The following SPMIP2 variants were observed in gnomAD, a reference collection of about 807,000 sequenced individuals.
SPMIP2 encodes the protein sperm microtubule inner protein 2.
the SPMIP2 span, chr4:159,007,514 GA>G: frequency 7.2e-6 from 6 of 838,676 alleles, no homozygotes; most frequent in East Asian, 1.7e-4. Context: ...CCTCAAGATT[GA>G]AGATGGATGA....
At chr4:158,962,335 T>C in the SPMIP2 span, among the ~76,000 whole-genome samples, 1 of 152,186 alleles carries the variant, frequency 6.6e-6, no homozygotes, top group Non-Finnish European at 1.5e-5. Context: ...TAATCCAAGA[T>C]GGTTTTCTTA....
chr4:159,067,244 T>C, the SPMIP2 span, among the ~76,000 whole-genome samples: 2 of 151,896 alleles, frequency 1.3e-5, no homozygotes, highest in African/African-American at 4.8e-5. Flanking sequence ...AACCAACATA[T>C]AGGTTTGAAA....
the SPMIP2 span, chr4:159,007,331 C>G: frequency 2.4e-5 from 18 of 737,622 alleles, no homozygotes; most frequent in East Asian, 5.6e-4. Context: ...CCCAGGCCCT[C>G]CACCCAAGGA....
At chr4:159,030,494 T>C in the SPMIP2 span, among the ~76,000 whole-genome samples, 1 of 150,978 alleles carries the variant, frequency 6.6e-6, no homozygotes, top group Non-Finnish European at 1.5e-5. Context: ...TTTATTTATT[T>C]ATTTATTTAT....
the SPMIP2 span, among the ~76,000 whole-genome samples, chr4:158,914,660 A>G: frequency 3.3e-5 from 5 of 152,190 alleles, no homozygotes; most frequent in Non-Finnish European, 7.3e-5. Flanking sequence ...ACATTCTTTA[A>G]TTCTCCTCCT....
At chr4:158,920,024 G>T in the SPMIP2 span, among the ~76,000 whole-genome samples, 1 of 152,218 alleles carries the variant, frequency 6.6e-6, no homozygotes, top group African/African-American at 2.4e-5. Context: ...ACCATCCCCT[G>T]TTGCGGGAAG....
At chr4:158,948,121 G>A in the SPMIP2 span, among the ~76,000 whole-genome samples, 1 of 152,104 alleles carries the variant, frequency 6.6e-6, no homozygotes. Flanking sequence ...GCTTGTTCCT[G>A]TCTGAATTGA....
At chr4:158,973,717 G>A in the SPMIP2 span, among the ~76,000 whole-genome samples, 5 of 152,200 alleles carry the variant, frequency 3.3e-5, no homozygotes, top group Middle Eastern at 3.4e-3. Context: ...GGCTGGATGT[G>A]GTGGTTTATG....
chr4:158,902,126 ATCTAC>A, the SPMIP2 span, among the ~76,000 whole-genome samples: 1 of 151,996 alleles, frequency 6.6e-6, no homozygotes, highest in Non-Finnish European at 1.5e-5. Context: ...TCATGGATTT[ATCTAC>A]CTTTGGTCTT....
chr4:159,044,122 AACTT>A, the SPMIP2 span, among the ~76,000 whole-genome samples: 1 of 152,094 alleles, frequency 6.6e-6, no homozygotes, highest in Non-Finnish European at 1.5e-5. Context: ...AAGATTTTTA[AACTT>A]AATCATTTTA....
At chr4:158,965,188 A>G in the SPMIP2 span, among the ~76,000 whole-genome samples, 1 of 152,214 alleles carries the variant, frequency 6.6e-6, no homozygotes, top group African/African-American at 2.4e-5. Context: ...ATTTTCTCCC[A>G]GTATCCTTCC....
chr4:158,931,141 T>C, the SPMIP2 span, among the ~76,000 whole-genome samples: 19 of 152,200 alleles, frequency 1.2e-4, no homozygotes, highest in African/African-American at 3.9e-4. Flanking sequence ...GTGGATAATC[T>C]CAATTGATCT....
At chr4:159,037,964 T>C in the SPMIP2 span, among the ~76,000 whole-genome samples, 2 of 152,028 alleles carry the variant, frequency 1.3e-5, no homozygotes, top group African/African-American at 4.8e-5. Flanking sequence ...CGTAAAGATA[T>C]TTCTCTCTCT....
the SPMIP2 span, among the ~76,000 whole-genome samples, chr4:159,024,473 A>G: frequency 6.6e-6 from 1 of 152,182 alleles, no homozygotes; most frequent in Non-Finnish European, 1.5e-5. Flanking sequence ...TCAAGGGTAA[A>G]GTGCTTCCTT....
At chr4:159,047,088 C>T in the SPMIP2 span, among the ~76,000 whole-genome samples, 19 of 152,252 alleles carry the variant, frequency 1.2e-4, no homozygotes, top group Non-Finnish European at 2.5e-4. Context: ...ACTTCAGTGA[C>T]CATGACTTGA....
chr4:158,945,455 C>T, the SPMIP2 span, among the ~76,000 whole-genome samples: 2 of 152,152 alleles, frequency 1.3e-5, no homozygotes, highest in African/African-American at 4.8e-5. Flanking sequence ...AAAACTTTAA[C>T]CCAAAGTAGT....
At chr4:158,984,481 G>C in the SPMIP2 span, among the ~76,000 whole-genome samples, 1 of 151,028 alleles carries the variant, frequency 6.6e-6, no homozygotes, top group South Asian at 2.1e-4. Context: ...AAGAAACTCA[G>C]TGAAAACCGC....
chr4:158,904,035 A>G, the SPMIP2 span, among the ~76,000 whole-genome samples: 1 of 152,234 alleles, frequency 6.6e-6, no homozygotes, highest in Non-Finnish European at 1.5e-5. Context: ...AATTGCTACC[A>G]TCATCGTTTT....
chr4:158,925,438 A>G, the SPMIP2 span, among the ~76,000 whole-genome samples: 1 of 152,168 alleles, frequency 6.6e-6, no homozygotes, highest in Non-Finnish European at 1.5e-5. Flanking sequence ...CTTAGTCGGT[A>G]TCTTAGTTCA....
Sources: gnomAD v4.1 joint callset for allele counts (sites outside exome capture counted in the v4.1 genomes callset) on GRCh38, gnomAD v4.1.1 for gene constraint, MANE v1.5 for transcripts, NCBI Gene and HGNC (gene_info 2026-07-23, HGNC 2026-07-21) for gene names.